MYO1C: variants seen among roughly 807,000 people sequenced by gnomAD.
MYO1C encodes myosin IC, also known as unconventional myosin-Ic.
Under a neutral mutation model 150.8 loss-of-function variants are expected in MYO1C, and 104 were observed. That is an observed-to-expected ratio of 0.69 (90% CI 0.59 to 0.81). MYO1C has a LOEUF of 0.81. MYO1C is among the 30% of genes least tolerant of loss of function. MYO1C has a pLI of 0.00. For missense variants in MYO1C, 1,504 were observed against 1,435.0 expected, an observed-to-expected ratio of 1.05 and a Z score of -0.78; for synonymous variants, 663 against 579.9, an observed-to-expected ratio of 1.14 and a Z score of -2.06.
chr17:1,484,560 G>C, intron 1 of MYO1C: 2 of 591,310 alleles, frequency 3.4e-6, no homozygotes, highest in African/African-American at 3.7e-5. Flanking sequence ...GCACAGAACA[G>C]AGACAACATG....
intron 14 of MYO1C, 97 bp from the exon 15 acceptor site, chr17:1,475,129 G>T: frequency 8.0e-7 from 1 of 1,254,800 alleles, no homozygotes; most frequent in Non-Finnish European, 1.1e-6. Flanking sequence ...AGCTGCCCAG[G>T]TGCACCCCAG....
chr17:1,470,715 G>A, intron 21 of MYO1C, 26 bp from the exon 22 acceptor site: 1 of 1,594,840 alleles, frequency 6.3e-7, no homozygotes, highest in Non-Finnish European at 8.5e-7. Context: ...AAAGGCAATT[G>A]GCCAGAGCGC....
intron 5 of MYO1C, chr17:1,481,086 A>G (rs1400658057): frequency 5.0e-6 from 3 of 602,300 alleles, no homozygotes; most frequent in Non-Finnish European, 8.8e-6. Flanking sequence ...ATTCAACTCC[A>G]ACGACCTGGC....
At chr17:1,490,114 G>A (rs2074711796) in intron 1 of MYO1C, among the ~76,000 whole-genome samples, 1 of 151,828 alleles carries the variant, frequency 6.6e-6, no homozygotes, top group Non-Finnish European at 1.5e-5. Flanking sequence ...GAGAAGGGTG[G>A]CACTGTTTGA....
chr17:1,472,071 T>TGCAGG, intron 18 of MYO1C, 47 bp from the exon 19 acceptor site: 1 of 1,608,372 alleles, frequency 6.2e-7, no homozygotes, highest in East Asian at 2.2e-5. Context: ...GCTGACGGCC[T>TGCAGG]GTCTCCTGCA....
rs375752565 is a variant in MYO1C at position 1,468,156 on chromosome 17, G to A, written c.2761-33C>T. 19 of 1,612,448 alleles carry A rather than the reference G, an allele frequency of 1.2e-5. No individual in the cohort carries two copies. In the African/African-American group the frequency reaches 2.4e-4, roughly 20 times the overall value. On this transcript the variant is annotated intron_variant, in intron 27 of 31. Transcript: ENST00000648651. ...CAGAGGCCAGGCTGAAGGGGCTGGGGAGAGGCTCCCAAGGCTCCGCCCCTG... is the reference window on the plus strand; with the variant it reads ...CAGAGGCCAGGCTGAAGGGGCTGGGAAGAGGCTCCCAAGGCTCCGCCCCTG...
Position 1,470,193 on chromosome 17 carries a change from G to C in MYO1C, c.2508C>G (p.Pro836=). Residue 836 remains proline, a synonymous_variant, in exon 24 of 32, where the codon CCC becomes CCG. Transcript: ENST00000648651. ...CACAGACCTCACGCAGGGCAGGTGG[G>C]GGCGTGGGCCACGAGGTGTCCAGGA... is the stretch of plus-strand genomic sequence containing the variant. The part of the protein sequence containing the change: ...QNVLDTSWPT[P]PPALREASEL... 6.2e-7 allele frequency: 1 copy of C among 1,610,988 alleles called. No individual in the cohort carries two copies. The highest frequency in any genetic ancestry group is 8.5e-7 in the Non-Finnish European group (1 of 1,179,256).
At position 1,479,681 on chromosome 17, in the gene MYO1C, C is replaced by T. The variant is rs200368303; in HGVS notation, c.931G>A (p.Val311Ile). 59 of 1,612,786 alleles carry T rather than the reference C, an allele frequency of 3.7e-5. No individual in the cohort carries two copies. In the Middle Eastern group the frequency reaches 4.9e-4, roughly 14 times the overall value. ...AAGTGGATGTTGCCCAAATGAAGGA[C>T]GCTGGCCACGATGCTCAGCAGGTCC... Reference protein sequence around the residue: ...VEDLLSIVASVLHLGNIHFAA... With the variant: ...VEDLLSIVASILHLGNIHFAA... The change falls in exon 8 of 32, where the codon GTC (valine) becomes ATC (isoleucine). Residue 311 changes from valine (V) to isoleucine (I), a missense_variant. Physicochemically the swap from Val to Ile is conservative, Grantham distance 29. Transcript: ENST00000648651. The surrounding 1 kb of genome is among the most constrained non-coding windows in gnomAD (Gnocchi z 4.2).
intron 5 of MYO1C, among the ~76,000 whole-genome samples, 190 bp downstream of exon 5, chr17:1,482,288 T>C (rs2074539346): frequency 6.6e-6 from 1 of 152,138 alleles, no homozygotes; most frequent in South Asian, 2.1e-4. Flanking sequence ...CACTCCTTAC[T>C]GCATTTTATT....
intron 21 of MYO1C, 190 bp from the exon 22 acceptor site, chr17:1,470,879 G>C: frequency 3.4e-6 from 3 of 883,426 alleles, no homozygotes; most frequent in Non-Finnish European, 5.4e-6. Flanking sequence ...GATGGTGGGC[G>C]TGGGGCTGGA....
At chr17:1,481,927 C>T (rs765418371) in intron 5 of MYO1C, among the ~76,000 whole-genome samples, 1 of 152,092 alleles carries the variant, frequency 6.6e-6, no homozygotes, top group African/African-American at 2.4e-5. Context: ...GCCGCTGTGG[C>T]CTCCGTGCTG....
At chr17:1,487,977 G>A (rs1364658834) in intron 1 of MYO1C, among the ~76,000 whole-genome samples, 1 of 152,212 alleles carries the variant, frequency 6.6e-6, no homozygotes, top group African/African-American at 2.4e-5. Flanking sequence ...CCAGCCTCCA[G>A]CCCGCCCAGG....
chr17:1,491,787 G>A (rs1039757418), intron 1 of MYO1C: 67 of 430,158 alleles, frequency 1.6e-4, no homozygotes, highest in Non-Finnish European at 1.9e-4. Flanking sequence ...CCGCGTCCGC[G>A]AAGCCTCGGT....
chr17:1,473,963 G>C (rs1316460113), intron 17 of MYO1C, among the ~76,000 whole-genome samples: 4 of 152,162 alleles, frequency 2.6e-5, no homozygotes, highest in Non-Finnish European at 4.4e-5. Flanking sequence ...GTGCCTGGCA[G>C]TGTCTGCTAT....
In MYO1C at chr17:1,482,533, C is replaced by A. The variant is rs200316832; in HGVS notation, c.572G>T (p.Arg191Leu). The A allele has an allele frequency of 2.7e-5, 43 of 1,613,926 alleles. No homozygotes were observed. The highest frequency in any genetic ancestry group is 3.5e-5 in the Non-Finnish European group (41 of 1,179,994). The change falls in exon 5 of 32, where the codon CGG becomes CTG. Residue 191 changes from arginine (R) to leucine (L), a missense_variant. Physicochemically the swap from Arg to Leu is moderately radical, Grantham distance 102. Coordinates refer to ENST00000648651, the MANE Select transcript of MYO1C (RefSeq NM_001080779.2). ...CCCGAACCTGCTGGAGTTATCGTTC[C>A]GGAGGGTCTTGGCATTTCCAAAGGC... ...LEAFGNAKTL[R>L]NDNSSRFGKY...
intron 17 of MYO1C, 113 bp downstream of exon 17, chr17:1,474,497 T>A: frequency 9.4e-7 from 1 of 1,067,084 alleles, no homozygotes; most frequent in Non-Finnish European, 1.4e-6. Context: ...CACCTGCAGA[T>A]GTGCACGGGC....
At position 1,479,552 on chromosome 17, in the gene MYO1C, C is replaced by A. The variant is rs770204404; in HGVS notation, c.1020+40G>T. The A allele has an allele frequency of 2.2e-6, 3 of 1,385,670 alleles. No homozygotes were observed. In the Admixed American group the frequency reaches 5.5e-5, roughly 25 times the overall value. The allele number at this position is 1,385,670 out of a possible 1,614,324, so 85.8% of individuals were successfully genotyped here. A position where few individuals can be genotyped will look rare whatever the true frequency, so the allele number is the denominator to read the frequency against. Reference sequence around the variant, plus strand: ...GTGAGGGTGCACCCCCAGCCCCCGCCCCCGCCGTCCTCCCGTCGCCCTCTG... The same window carrying A: ...GTGAGGGTGCACCCCCAGCCCCCGCACCCGCCGTCCTCCCGTCGCCCTCTG... On this transcript the variant is annotated intron_variant, in intron 8 of 31. Coordinates refer to ENST00000648651, the MANE Select transcript of MYO1C (RefSeq NM_001080779.2). This position sits in a 1 kb window ranked among gnomAD's most constrained non-coding sequence, Gnocchi z 4.2.
intron 25 of MYO1C, chr17:1,469,303 G>T (rs892826712): frequency 1.9e-5 from 11 of 575,528 alleles, no homozygotes; most frequent in African/African-American, 3.7e-5. Context: ...AATACGGTAG[G>T]TGGGGTAAAT....
At position 1,474,682 on chromosome 17, in the gene MYO1C, A is replaced by G; in HGVS notation, c.1725T>C (p.Cys575=). Residue 575 remains cysteine, a synonymous_variant, in exon 17 of 32, where the codon TGT becomes TGC. Coordinates refer to ENST00000648651, the MANE Select transcript of MYO1C (RefSeq NM_001080779.2). ...LLFRNLKETM[C]SSKNPIMSQC... The stretch of plus-strand genomic sequence containing the variant: ...GGCTCATAATGGGATTCTTTGAGCT[A>G]CACATGGTCTGTGTGGGCAGAGCCG... 2 of 1,614,038 alleles carry G rather than the reference A, an allele frequency of 1.2e-6. No homozygotes were observed. The highest frequency in any genetic ancestry group is 1.7e-6 in the Non-Finnish European group (2 of 1,179,928).
Sources: allele counts gnomAD v4.1 joint callset (sites outside exome capture counted in the v4.1 genomes callset), GRCh38; gene constraint gnomAD v4.1.1; non-coding constraint Gnocchi (gnomAD v3.1); transcripts MANE v1.5; gene names NCBI Gene and HGNC (gene_info 2026-07-23, HGNC 2026-07-21).